Variants in MOB1B observed in about 807,000 individuals in gnomAD.
MOB1B encodes MOB1 Mps One Binder homolog B.
Under a neutral mutation model 24.4 loss-of-function variants are expected in MOB1B, and 19 were observed. That is an observed-to-expected ratio of 0.78 (90% CI 0.54 to 1.14). The LOEUF is 1.14. MOB1B is among the 50% of genes most tolerant of loss of function. The pLI, the probability that MOB1B is intolerant of heterozygous loss-of-function variation, is 0.00. For missense variants in MOB1B, 243 were observed against 259.6 expected (o/e 0.94, Z 0.44); for synonymous variants, 76 against 82.1 (o/e 0.93, Z 0.40).
At chr4:70,948,559 G>T (rs560802286) in intron 1 of MOB1B, among the ~76,000 whole-genome samples, 10 of 151,988 alleles carry the variant, frequency 6.6e-5, no homozygotes, top group African/African-American at 1.7e-4. Flanking sequence ...CCTGTTTTTT[G>T]AATATAATAG....
At chr4:70,934,311 C>T (rs1736998587) in intron 1 of MOB1B, among the ~76,000 whole-genome samples, 1 of 151,744 alleles carries the variant, frequency 6.6e-6, no homozygotes, top group Admixed American at 6.6e-5. Context: ...GTCTCGAACT[C>T]CTGGCCTCAA....
In MOB1B at chr4:70,983,528, A is replaced by C. The variant is rs1194906874; in HGVS notation, c.*1471A>C. 6.6e-6 allele frequency: 1 copy of C among 152,280 alleles called. No homozygotes were observed. Among genetic ancestry groups the C allele is most frequent in the Non-Finnish European group, 1.5e-5 (1 of 67,976 alleles). The allele number at this position is 152,280 out of a possible 1,614,324, so 9.4% of individuals were successfully genotyped here. ...ATACCCTTTTTAGAAATCCAGTTTT[A>C]GTTTTGTCATTTTCGATAAATCTTT... On this transcript the variant is annotated 3_prime_UTR_variant, in exon 6 of 6. Coordinates refer to ENST00000309395, the MANE Select transcript of MOB1B (RefSeq NM_173468.4).
At chr4:70,928,712 CAGA>C (rs1385989877) in intron 1 of MOB1B, among the ~76,000 whole-genome samples, 10 of 152,196 alleles carry the variant, frequency 6.6e-5, no homozygotes, top group African/African-American at 2.4e-4. Flanking sequence ...CTACTGTGCA[CAGA>C]AGAGTTTAGA....
intron 4 of MOB1B, chr4:70,976,447 A>G: frequency 1.0e-6 from 1 of 985,360 alleles, no homozygotes; most frequent in Non-Finnish European, 1.2e-6. Flanking sequence ...GGGTTGCTGT[A>G]TCATCGGCTG....
At chr4:70,905,136 A>T (rs540626298) in intron 1 of MOB1B, among the ~76,000 whole-genome samples, 40 of 152,348 alleles carry the variant, frequency 2.6e-4, no homozygotes, top group African/African-American at 9.1e-4. Flanking sequence ...TCAATTAAAA[A>T]TCCAAAGTGA....
Position 70,979,224 on chromosome 4 carries a change from C to T in MOB1B, c.506C>T (p.Pro169Leu). The T allele has an allele frequency of 6.2e-7, 1 of 1,613,830 alleles. No homozygotes were observed. The highest frequency in any genetic ancestry group is 1.1e-5 in the South Asian group (1 of 91,070). ...YAHIYHQHFD[P>L]VIQLQEEAHL... is the part of the protein sequence containing the mutation. ...CACATTTATCATCAGCATTTTGACCCTGTGATCCAGCTTCAGGAGGAAGCA... is the reference window on the plus strand; with the variant it reads ...CACATTTATCATCAGCATTTTGACCTTGTGATCCAGCTTCAGGAGGAAGCA... Residue 169 changes from proline to leucine, a missense_variant, in exon 5 of 6, where the codon CCT becomes CTT. By Grantham distance (98) the Pro-to-Leu change is moderately conservative. Transcript: ENST00000309395.
intron 1 of MOB1B, among the ~76,000 whole-genome samples, chr4:70,917,245 G>A (rs1220880941): frequency 6.6e-6 from 1 of 151,916 alleles, no homozygotes; most frequent in Non-Finnish European, 1.5e-5. Context: ...ACCTACATTG[G>A]GTCTTCATCT....
At position 70,902,954 on chromosome 4, in the gene MOB1B, A is replaced by T. The variant is rs769951341; in HGVS notation, c.14+404A>T. 4.6e-5 allele frequency among the ~76,000 whole-genome samples: 7 copies of T among 152,074 alleles called. 1 individual carries two copies. In the South Asian group the frequency reaches 1.5e-3, roughly 32 times the overall value. ...TTGAATGGCTCCGTCGCGGCTGCCCATTGCTCTTTTCTGGGTCCCAAGCAC... is the reference window on the plus strand; with the variant it reads ...TTGAATGGCTCCGTCGCGGCTGCCCTTTGCTCTTTTCTGGGTCCCAAGCAC... On this transcript the variant is annotated intron_variant, in intron 1 of 5. Transcript: ENST00000309395.
At position 70,982,054 on chromosome 4, in the gene MOB1B, A is replaced by G; in HGVS notation, c.648A>G (p.Arg216=). The change falls in exon 6 of 6, where the codon AGA becomes AGG. Residue 216 remains arginine, a synonymous_variant. Coordinates refer to ENST00000309395, the MANE Select transcript of MOB1B (RefSeq NM_173468.4). ...ELIEKLTSKD[R] ...TTGAAAAACTCACCTCAAAAGACAG[A>G]TAAAAGGATGCAGAGCTGTGCAAAT... The G allele has an allele frequency of 3.1e-6, 5 of 1,607,518 alleles. No individual in the cohort carries two copies. The highest frequency in any genetic ancestry group is 4.3e-6 in the Non-Finnish European group (5 of 1,174,438).
At chr4:70,931,753 C>T (rs79334598) in intron 1 of MOB1B, among the ~76,000 whole-genome samples, 3,091 of 152,246 alleles carry the variant, frequency 0.02, 92 homozygotes, top group African/African-American at 0.069. Context: ...TTCCACCTTT[C>T]AGAGACAGGA....
chr4:70,929,850 GTCTCGA>G (rs1445608563), intron 1 of MOB1B, among the ~76,000 whole-genome samples: 1 of 151,464 alleles, frequency 6.6e-6, no homozygotes, highest in East Asian at 1.9e-4. Flanking sequence ...TTTCGCCGTG[GTCTCGA>G]TCTCCTGACC....
At chr4:70,978,854 T>G (rs1739099850) in intron 4 of MOB1B, among the ~76,000 whole-genome samples, 1 of 152,176 alleles carries the variant, frequency 6.6e-6, no homozygotes, top group South Asian at 2.1e-4. Flanking sequence ...TGGGTGTGTG[T>G]GTGTGTGTTT....
In MOB1B at chr4:70,902,780, G is replaced by T. The variant is rs572457274; in HGVS notation, c.14+230G>T. Among the ~76,000 whole-genome samples, 7 of 152,314 alleles carry T rather than the reference G, an allele frequency of 4.6e-5. No homozygotes were observed. In the South Asian group the frequency reaches 1.5e-3, roughly 32 times the overall value. On this transcript the variant is annotated intron_variant, in intron 1 of 5. Coordinates refer to ENST00000309395, the MANE Select transcript of MOB1B (RefSeq NM_173468.4). ...CGTGGGCTCCTGCAGCCCTGAGGAG[G>T]TTCTTCCCCCCCGGCACACCCCGGG...
intron 1 of MOB1B, among the ~76,000 whole-genome samples, chr4:70,952,516 GC>G (rs1244984502): frequency 6.6e-6 from 1 of 151,506 alleles, no homozygotes; most frequent in African/African-American, 2.4e-5. Context: ...GGTGGCGGGT[GC>G]CTGTAGACCC....
chr4:70,952,463 G>C (rs1361150711), intron 1 of MOB1B, among the ~76,000 whole-genome samples: 1 of 151,524 alleles, frequency 6.6e-6, no homozygotes, highest in Non-Finnish European at 1.5e-5. Context: ...CTAAAATGGT[G>C]AAACCCCGTC....
At chr4:70,965,845 A>G (rs1426277219) in intron 2 of MOB1B, among the ~76,000 whole-genome samples, 1 of 150,950 alleles carries the variant, frequency 6.6e-6, no homozygotes, top group African/African-American at 2.4e-5. Flanking sequence ...AATGTTGTGA[A>G]GAAGTTATAA....
chr4:70,913,491 A>G (rs1736079888), intron 1 of MOB1B, among the ~76,000 whole-genome samples: 1 of 151,820 alleles, frequency 6.6e-6, no homozygotes, highest in Non-Finnish European at 1.5e-5. Context: ...GAGACAGCCC[A>G]CATTGCCAGG....
At chr4:70,969,281 C>A (rs1331189167) in intron 2 of MOB1B, among the ~76,000 whole-genome samples, 1 of 152,186 alleles carries the variant, frequency 6.6e-6, no homozygotes, top group East Asian at 1.9e-4. Context: ...CAGGCATGCA[C>A]CACCATGCCC....
At chr4:70,950,612 T>G in intron 1 of MOB1B, 144 of 559,394 alleles carry the variant, frequency 2.6e-4, no homozygotes, top group Non-Finnish European at 3.9e-4. Flanking sequence ...TAGGATTAAA[T>G]GAGATATATT....
Sources: gnomAD v4.1 joint callset for allele counts (sites outside exome capture counted in the v4.1 genomes callset) on GRCh38, gnomAD v4.1.1 for gene constraint, MANE v1.5 for transcripts, NCBI Gene and HGNC (gene_info 2026-07-23, HGNC 2026-07-21) for gene names.